Variants in EXOSC4 observed in about 807,000 individuals in gnomAD.
The protein encoded by EXOSC4 is exosome complex component RRP41.
Under a neutral mutation model 20.0 loss-of-function variants are expected in EXOSC4, and 14 were observed. That is an observed-to-expected ratio of 0.70 (90% CI 0.46 to 1.09). The LOEUF (loss-of-function observed/expected upper bound fraction) is 1.09, where lower values mean the gene tolerates loss of function less well. EXOSC4 is among the 50% of genes least tolerant of loss of function. The pLI is 0.00. For synonymous variants in EXOSC4, 148 were observed against 146.4 expected (o/e 1.01, Z -0.08); for missense variants, 337 against 334.0 (o/e 1.01, Z -0.07).
chr8:144,064,582 C>G, the EXOSC4 span, among the ~76,000 whole-genome samples: 1 of 152,232 alleles, frequency 6.6e-6, no homozygotes, highest in Non-Finnish European at 1.5e-5. Context: ...ACAAGGGAGG[C>G]TGGGCCTGTT....
Position 144,080,360 on chromosome 8 carries a change from A to G in EXOSC4, c.497A>G (p.Asp166Gly). 6.2e-7 allele frequency: 1 copy of G among 1,613,022 alleles called. No homozygotes were observed. Among genetic ancestry groups the G allele is most frequent in the Non-Finnish European group, 8.5e-7 (1 of 1,180,016 alleles). ...FVCACSAGFV[D>G]GTALADLSHV... ...TGTGCGTGCTCAGCTGGCTTCGTGG[A>G]CGGCACAGCCCTGGCGGACCTCAGC... The change falls in exon 3 of 3, where the codon GAC becomes GGC. Residue 166 changes from aspartate to glycine, a missense_variant. Asp to Gly is a moderately conservative substitution (Grantham distance 94). Transcript: ENST00000316052. This position sits in a 1 kb window ranked among gnomAD's most constrained non-coding sequence, Gnocchi z 4.9.
chr8:144,076,818 G>A (rs555497982), upstream of EXOSC4, among the ~76,000 whole-genome samples: 1 of 152,266 alleles, frequency 6.6e-6, no homozygotes, highest in East Asian at 1.9e-4. Flanking sequence ...GGCCATGCGT[G>A]GTGGCGGGAG....
upstream of EXOSC4, chr8:144,078,578 T>G: frequency 1.2e-6 from 1 of 832,600 alleles, no homozygotes. The surrounding 1 kb of genome is among the most constrained non-coding windows in gnomAD (Gnocchi z 4.7). Context: ...TCCACGGAGG[T>G]CAGGGCCGCG....
the EXOSC4 span, among the ~76,000 whole-genome samples, chr8:144,069,552 G>A: frequency 6.6e-6 from 1 of 152,316 alleles, no homozygotes; most frequent in South Asian, 2.1e-4. Flanking sequence ...CCTAAAGGAC[G>A]CTTGGAATGA....
At chr8:144,064,288 C>T in the EXOSC4 span, among the ~76,000 whole-genome samples, 1 of 152,254 alleles carries the variant, frequency 6.6e-6, no homozygotes, top group Non-Finnish European at 1.5e-5. Context: ...CGTCTGACAG[C>T]CCACTGGCCA....
upstream of EXOSC4, among the ~76,000 whole-genome samples, chr8:144,075,266 G>A (rs111867191): frequency 5.9e-3 from 894 of 150,370 alleles, 7 homozygotes; most frequent in South Asian, 0.03. Context: ...TCGCTCTGTC[G>A]CCCAGGCTGG....
chr8:144,080,045 G>A lies in EXOSC4; in HGVS notation c.274G>A (p.Gly92Arg). The A allele has an allele frequency of 6.2e-7, 1 of 1,614,084 alleles. No individual in the cohort carries two copies. Among genetic ancestry groups the A allele is most frequent in the Non-Finnish European group, 8.5e-7 (1 of 1,180,034 alleles). ...STGERKRRPHGDRKSCEMGLQ... is the reference protein window; with the variant it reads ...STGERKRRPHRDRKSCEMGLQ... ...AGGTGAGCGCAAGCGACGGCCACAT[G>A]GGGACCGTAAGTCCTGTGAGATGGG... The change falls in exon 2 of 3, where the codon GGG becomes AGG. Residue 92 changes from glycine (G) to arginine (R), a missense_variant. Gly to Arg is a moderately radical substitution (Grantham distance 125). Transcript: ENST00000316052. The surrounding 1 kb of genome is among the most constrained non-coding windows in gnomAD (Gnocchi z 4.9).
At chr8:144,071,283 TCCTCCGCTCCCCTCTCCTCC>T in the EXOSC4 span, among the ~76,000 whole-genome samples, 7 of 36,028 alleles carry the variant, frequency 1.9e-4, no homozygotes, top group East Asian at 3.5e-3. Context: ...TCCCCTCCCC[TCCTCCGCTCCCCTCTCCTCC>T]CCTCCGCTCC....
At chr8:144,071,482 T>G in the EXOSC4 span, among the ~76,000 whole-genome samples, 4 of 148,208 alleles carry the variant, frequency 2.7e-5, no homozygotes, top group African/African-American at 9.9e-5. Flanking sequence ...GTTTTTTGTA[T>G]TTTTAGTACA....
At chr8:144,077,559 C>T (rs1393721067), upstream of EXOSC4, among the ~76,000 whole-genome samples, 1 of 152,172 alleles carries the variant, frequency 6.6e-6, no homozygotes, top group African/African-American at 2.4e-5. Flanking sequence ...TTCCCTAGCC[C>T]GCCTGCTCTT....
chr8:144,067,952 C>T, the EXOSC4 span, among the ~76,000 whole-genome samples: 2 of 152,344 alleles, frequency 1.3e-5, no homozygotes, highest in African/African-American at 4.8e-5. Context: ...GTTCAACCTG[C>T]CGAAACAACC....
chr8:144,074,498 GGA>G (rs1402029968), upstream of EXOSC4, among the ~76,000 whole-genome samples: 1 of 152,166 alleles, frequency 6.6e-6, no homozygotes, highest in Non-Finnish European at 1.5e-5. Context: ...AACTCAAAGA[GGA>G]TCTAAGATTA....
At chr8:144,076,852 G>T (rs1412350708), upstream of EXOSC4, among the ~76,000 whole-genome samples, 1 of 152,178 alleles carries the variant, frequency 6.6e-6, no homozygotes, top group Non-Finnish European at 1.5e-5. Flanking sequence ...GATCACCTGA[G>T]GTCAGGAGTT....
the EXOSC4 span, among the ~76,000 whole-genome samples, chr8:144,065,607 C>A: frequency 6.6e-6 from 1 of 151,816 alleles, no homozygotes; most frequent in Middle Eastern, 3.4e-3. Flanking sequence ...CGATGGCAGG[C>A]ACCTGTAATC....
chr8:144,078,424 G>A (rs1225894142), upstream of EXOSC4: 4 of 260,726 alleles, frequency 1.5e-5, no homozygotes, highest in Admixed American at 1.6e-4. The surrounding 1 kb of genome is among the most constrained non-coding windows in gnomAD (Gnocchi z 4.7). Context: ...CCCAGCCGCT[G>A]CTTCCCCGAT....
chr8:144,079,822 G>A (rs782409323), intron 1 of EXOSC4, 121 bp from the exon 2 acceptor site: 4 of 946,294 alleles, frequency 4.2e-6, no homozygotes, highest in Non-Finnish European at 5.2e-6. Flanking sequence ...GCTTTGTTTT[G>A]GAGGTAACGC....
At chr8:144,078,600 T>A (rs555082641), upstream of EXOSC4, 73 of 1,077,116 alleles carry the variant, frequency 6.8e-5, no homozygotes, top group African/African-American at 1.1e-3. This position sits in a 1 kb window ranked among gnomAD's most constrained non-coding sequence, Gnocchi z 4.7. Flanking sequence ...AGAGCTGTAG[T>A]TCCCCGGAAC....
At position 144,080,200 on chromosome 8, in the gene EXOSC4, G is replaced by A; in HGVS notation, c.379-42G>A. 6.2e-7 allele frequency: 1 copy of A among 1,608,504 alleles called. No homozygotes were observed. The highest frequency in any genetic ancestry group is 8.5e-7 in the Non-Finnish European group (1 of 1,176,172). ...AGGGAGGGAAGGGTGTGATGGGGTT[G>A]GGGAGGGAGTCTGATAGACTGACAC... On this transcript the variant is annotated intron_variant, in intron 2 of 2. Transcript: ENST00000316052. The surrounding 1 kb of genome is among the most constrained non-coding windows in gnomAD (Gnocchi z 4.9).
chr8:144,073,042 G>A, the EXOSC4 span, among the ~76,000 whole-genome samples: 4 of 152,216 alleles, frequency 2.6e-5, no homozygotes, highest in African/African-American at 9.6e-5. Flanking sequence ...CAGTGGCTCT[G>A]TATGGTCCTA....
Sources: gnomAD v4.1 joint callset for allele counts (sites outside exome capture counted in the v4.1 genomes callset) on GRCh38, gnomAD v4.1.1 for gene constraint, Gnocchi (gnomAD v3.1) non-coding constraint, MANE v1.5 for transcripts, NCBI Gene and HGNC (gene_info 2026-07-23, HGNC 2026-07-21) for gene names.